The following GRIA1 variants were observed in gnomAD, a reference collection of about 807,000 sequenced individuals.
GRIA1 encodes glutamate receptor 1.
Under a neutral mutation model 99.2 loss-of-function variants are expected in GRIA1, and 31 were observed. The observed-to-expected ratio is 0.31, with a 90% CI of 0.23 to 0.42. GRIA1 has a LOEUF of 0.42. Among genes scored for constraint, GRIA1 ranks in the 10% least tolerant of loss-of-function variants. The pLI, the probability that GRIA1 is intolerant of heterozygous loss-of-function variation, is 1.00. For synonymous variants in GRIA1, 438 were observed against 432.4 expected (o/e 1.01, Z -0.16); for missense variants, 782 against 1,157.5 (o/e 0.68, Z 4.71).
intron 2 of GRIA1, among the ~76,000 whole-genome samples, chr5:153,585,125 G>T (rs1363981849): frequency 6.6e-6 from 1 of 152,026 alleles, no homozygotes; most frequent in East Asian, 1.9e-4. Context: ...TACACACTAA[G>T]TCCTTCAAGT....
intron 2 of GRIA1, among the ~76,000 whole-genome samples, chr5:153,518,036 G>A (rs1756790618): frequency 6.6e-6 from 1 of 152,158 alleles, no homozygotes; most frequent in South Asian, 2.1e-4. Flanking sequence ...CTTTGCACTG[G>A]CTGTTCCCTT....
chr5:153,737,290 TAAAAAAAAAAAAAAA>T (rs35443126), intron 11 of GRIA1, among the ~76,000 whole-genome samples: 1 of 74,080 alleles, frequency 1.3e-5, no homozygotes, highest in African/African-American at 4.9e-5. Context: ...GCAACCCCGG[TAAAAAAAAAAAAAAA>T]AAAAAAAAAA....
intron 2 of GRIA1, among the ~76,000 whole-genome samples, chr5:153,503,619 G>T (rs1755213863): frequency 6.6e-6 from 1 of 152,204 alleles, no homozygotes; most frequent in African/African-American, 2.4e-5. Flanking sequence ...TTAAGGCTAA[G>T]TTTATCCAAG....
intron 2 of GRIA1, among the ~76,000 whole-genome samples, chr5:153,567,075 C>T (rs1761706753): frequency 6.6e-6 from 1 of 152,072 alleles, no homozygotes; most frequent in East Asian, 2.0e-4. Context: ...GTATCATTTG[C>T]AGCACAGTTT....
chr5:153,806,263 CATTTT>C (rs1379607508), intron 15 of GRIA1, among the ~76,000 whole-genome samples: 4 of 151,542 alleles, frequency 2.6e-5, no homozygotes, highest in African/African-American at 4.8e-5. Context: ...TTTATTTTTT[CATTTT>C]ATTTTATTTT....
chr5:153,769,859 A>G (rs975856818), intron 12 of GRIA1, among the ~76,000 whole-genome samples: 2 of 151,964 alleles, frequency 1.3e-5, no homozygotes, highest in Non-Finnish European at 2.9e-5. Context: ...TAGGTCCTTT[A>G]ATGTATTTAA....
rs1405946594 is a variant in GRIA1 at position 153,494,051 on chromosome 5, A to G, written c.206A>G (p.Glu69Gly). 1.9e-6 allele frequency: 3 copies of G among 1,613,968 alleles called. No individual in the cohort carries two copies. Among genetic ancestry groups the G allele is most frequent in the Non-Finnish European group, 2.5e-6 (3 of 1,179,918 alleles). Residue 69 changes from glutamate to glycine, a missense_variant, in exon 2 of 16, where the codon GAG becomes GGG. Glu to Gly is a moderately conservative substitution (Grantham distance 98). Coordinates refer to ENST00000285900, the MANE Select transcript of GRIA1 (RefSeq NM_000827.4). ...ATTGTGAACATCAGCGACAGCTTTG[A>G]GATGACCTATAGATGTAAGTAATTG... ...IDIVNISDSF[E>G]MTYRFCSQFS...
At chr5:153,674,884 A>G (rs1756454963) in intron 6 of GRIA1, among the ~76,000 whole-genome samples, 1 of 152,192 alleles carries the variant, frequency 6.6e-6, no homozygotes, top group East Asian at 1.9e-4. Context: ...CCTGTGAACA[A>G]AACTTAGGAG....
chr5:153,622,074 G>A (rs973516669), intron 2 of GRIA1, among the ~76,000 whole-genome samples: 58 of 152,280 alleles, frequency 3.8e-4, no homozygotes, highest in African/African-American at 1.4e-3. Flanking sequence ...TCAAGGAATG[G>A]TCAAGCACCA....
intron 2 of GRIA1, among the ~76,000 whole-genome samples, chr5:153,617,243 C>T (rs79663791): frequency 0.14 from 21,438 of 152,222 alleles, 1,706 homozygotes; most frequent in Middle Eastern, 0.2. Context: ...TATCATGCTA[C>T]GCTCCTGTTT....
At chr5:153,641,681 G>A (rs906713915) in intron 2 of GRIA1, among the ~76,000 whole-genome samples, 3 of 152,066 alleles carry the variant, frequency 2.0e-5, no homozygotes, top group Admixed American at 6.6e-5. Flanking sequence ...CCCATATACA[G>A]TACTCTTTAT....
At chr5:153,734,762 A>T (rs1285625991) in intron 11 of GRIA1, among the ~76,000 whole-genome samples, 1 of 152,180 alleles carries the variant, frequency 6.6e-6, no homozygotes, top group Admixed American at 6.5e-5. Context: ...CTAGGACTAG[A>T]AGGATGAATG....
chr5:153,497,433 T>A (rs562043434), intron 2 of GRIA1, among the ~76,000 whole-genome samples: 2 of 152,322 alleles, frequency 1.3e-5, no homozygotes, highest in African/African-American at 2.4e-5. Context: ...TATTCATTCA[T>A]TCATTCAGCA....
intron 11 of GRIA1, among the ~76,000 whole-genome samples, chr5:153,715,146 A>C (rs1173383005): frequency 6.6e-6 from 1 of 152,186 alleles, no homozygotes; most frequent in Non-Finnish European, 1.5e-5. Context: ...TTTCCTCTGC[A>C]AAATGGAAGT....
chr5:153,499,986 T>C (rs1192080183), intron 2 of GRIA1, among the ~76,000 whole-genome samples: 1 of 152,230 alleles, frequency 6.6e-6, no homozygotes, highest in Non-Finnish European at 1.5e-5. Flanking sequence ...GGCAGATGTC[T>C]ACATTTCTCT....
intron 15 of GRIA1, among the ~76,000 whole-genome samples, chr5:153,808,839 G>A (rs1766615995): frequency 6.6e-6 from 1 of 152,228 alleles, no homozygotes; most frequent in Non-Finnish European, 1.5e-5. Flanking sequence ...CATTGACTTT[G>A]AGAAGTGCTC....
intron 2 of GRIA1, among the ~76,000 whole-genome samples, chr5:153,529,369 C>T (rs514381): frequency 6.6e-6 from 1 of 151,948 alleles, no homozygotes; most frequent in African/African-American, 2.4e-5. Context: ...CTCAGGTTCA[C>T]ATCTTTGGCC....
At chr5:153,681,977 T>C (rs1265678584) in intron 7 of GRIA1, among the ~76,000 whole-genome samples, 1 of 150,994 alleles carries the variant, frequency 6.6e-6, no homozygotes, top group Non-Finnish European at 1.5e-5. Flanking sequence ...GAGGTTACAG[T>C]GAGCCGAGGT....
Position 153,725,967 on chromosome 5 carries a change from C to G in GRIA1, c.1823+19900C>G, listed in dbSNP as rs919320153. Among the ~76,000 whole-genome samples the G allele has an allele frequency of 2.3e-4, 33 of 141,862 alleles. 1 individual carries two copies. The highest frequency in any genetic ancestry group is 4.6e-4 in the Non-Finnish European group (30 of 65,772). The allele number at this position is 141,862 out of a possible 152,430, so 93.1% of individuals were successfully genotyped here. On this transcript the variant is annotated intron_variant, in intron 11 of 15. Coordinates refer to ENST00000285900, the MANE Select transcript of GRIA1 (RefSeq NM_000827.4). ...TTTCAGCACCGCACCACACCTATTC[C>G]AAAATTGACCACATAGTTGGAAGTA... is the stretch of plus-strand genomic sequence containing the variant.
Sources: allele counts gnomAD v4.1 joint callset (sites outside exome capture counted in the v4.1 genomes callset), GRCh38; gene constraint gnomAD v4.1.1; transcripts MANE v1.5; gene names NCBI Gene and HGNC (gene_info 2026-07-23, HGNC 2026-07-21).